Variants in PKN3 observed in about 807,000 individuals in gnomAD.
The protein encoded by PKN3 is serine/threonine-protein kinase N3.
In PKN3, 91 loss-of-function variants were observed where a neutral mutation model predicts 113.1. The ratio of observed to expected loss-of-function variants is 0.80; its 90% CI spans 0.68 to 0.96. The LOEUF (loss-of-function observed/expected upper bound fraction) is 0.96. PKN3 is among the 40% of genes least tolerant of loss of function. The pLI is 0.00. For missense variants in PKN3, 1,052 were observed against 1,202.2 expected (o/e 0.88, Z 1.85); for synonymous variants, 467 against 499.0 (o/e 0.94, Z 0.85).
At position 128,705,759 on chromosome 9, in the gene PKN3, G is replaced by A. The variant is rs368551708; in HGVS notation, c.291G>A (p.Pro97=). 3.2e-5 allele frequency: 52 copies of A among 1,607,760 alleles called. No homozygotes were observed. The highest frequency in any genetic ancestry group is 2.4e-4 in the Admixed American group (14 of 59,214). Residue 97 remains proline (P), a synonymous_variant, in exon 3 of 22, where the codon CCG becomes CCA. Coordinates refer to ENST00000291906, the MANE Select transcript of PKN3 (RefSeq NM_013355.5). The stretch of plus-strand genomic sequence containing the variant: ...AGCCTGTGGCCTCAGGACCCCGGCC[G>A]TGGGCAGAGCAGCTCAGGGCTCGGC... ...PAEPVASGPR[P]WAEQLRARHL...
At chr9:128,719,884 A>G in intron 19 of PKN3, 26 bp from the exon 20 acceptor site, 1 of 1,611,710 alleles carries the variant, frequency 6.2e-7, no homozygotes, top group Non-Finnish European at 8.5e-7. Context: ...TGGCCCGTGC[A>G]TCCTGCTGAG....
Position 128,705,508 on chromosome 9 carries a change from G to T in PKN3, c.230G>T (p.Arg77Leu). 6.4e-7 allele frequency: 1 copy of T among 1,558,052 alleles called. No individual in the cohort carries two copies. Among genetic ancestry groups the T allele is most frequent in the South Asian group, 1.2e-5 (1 of 84,726 alleles). ...GGCGAGCTGCGGGAGCTGCACGCCC[G>T]AATCCTGCTGCCCGGCCCTGGGCCT... ...LHGELRELHA[R>L]ILLPGPGPGP... Residue 77 changes from arginine (R) to leucine (L), a missense_variant, in exon 2 of 22, where the codon CGA becomes CTA. Arg to Leu is a moderately radical substitution (Grantham distance 102, BLOSUM62 -2). This residue lies in a region of PKN3 where 719 missense variants were observed against 759.4 expected (regional missense o/e 0.95). Coordinates refer to ENST00000291906, the MANE Select transcript of PKN3 (RefSeq NM_013355.5).
chr9:128,720,081 TG>T lies in PKN3; in HGVS notation c.2376+67del. ...CTCAAGGCCCATGTGCCCTCTGCCG[TG>T]GGACAGCAGACCCCCTGCCACCCAT... On this transcript the variant is annotated intron_variant, in intron 20 of 21. Coordinates refer to ENST00000291906, the MANE Select transcript of PKN3 (RefSeq NM_013355.5). This position sits in a 1 kb window ranked among gnomAD's most constrained non-coding sequence, Gnocchi z 5.5. 1 of 1,545,508 alleles carries T rather than the reference TG, an allele frequency of 6.5e-7. No homozygotes were observed. Among genetic ancestry groups the T allele is most frequent in the Non-Finnish European group, 8.9e-7 (1 of 1,118,850 alleles).
At chr9:128,718,885 T>TG (rs1862424718) in intron 18 of PKN3, among the ~76,000 whole-genome samples, 1 of 34,886 alleles carries the variant, frequency 2.9e-5, no homozygotes, top group Non-Finnish European at 1.6e-4. Flanking sequence ...TTCTGCCTTC[T>TG]GTTTTTTTTT....
intron 1 of PKN3, chr9:128,703,903 T>G (rs1589473435): frequency 1.0e-6 from 1 of 985,384 alleles, no homozygotes; most frequent in Non-Finnish European, 1.2e-6. Flanking sequence ...GGCAGCTGGG[T>G]GACTCAGGAC....
chr9:128,705,260 C>A (rs1278808450), intron 1 of PKN3, 43 bp from the exon 2 acceptor site: 11 of 1,547,544 alleles, frequency 7.1e-6, no homozygotes, highest in Non-Finnish European at 8.7e-6. Context: ...GCCGCTGCAC[C>A]CCATGGCTGT....
chr9:128,710,220 G>A (rs1862137678), intron 6 of PKN3, among the ~76,000 whole-genome samples: 1 of 151,564 alleles, frequency 6.6e-6, no homozygotes, highest in South Asian at 2.1e-4. Flanking sequence ...GAGCCACCGC[G>A]CCCGGCCAAA....
chr9:128,706,619 GT>G, intron 3 of PKN3, 93 bp from the exon 4 acceptor site: 1 of 959,764 alleles, frequency 1.0e-6, no homozygotes, highest in Non-Finnish European at 1.5e-6. Flanking sequence ...CTTTAACCCT[GT>G]TTTGATGGGG....
rs766780824 is a variant in PKN3 at position 128,706,984 on chromosome 9, T to C, written c.612T>C (p.Leu204=). 1.2e-6 allele frequency: 2 copies of C among 1,614,114 alleles called. No homozygotes were observed. Among genetic ancestry groups the C allele is most frequent in the Non-Finnish European group, 1.7e-6 (2 of 1,179,986 alleles). ...GCGCCAAGAACGTGGTGAAACTGCTTAGTAGCCGGAGAACACAGGACCGCA... is the reference window on the plus strand; with the variant it reads ...GCGCCAAGAACGTGGTGAAACTGCTCAGTAGCCGGAGAACACAGGACCGCA... ...AEGAKNVVKL[L]SSRRTQDRKA... The change falls in exon 5 of 22, where the codon CTT becomes CTC. Residue 204 remains leucine (L), a synonymous_variant. Coordinates refer to ENST00000291906, the MANE Select transcript of PKN3 (RefSeq NM_013355.5).
chr9:128,713,573 G>A lies in PKN3; in HGVS notation c.1167G>A (p.Glu389=), dbSNP rs1862246298. The change falls in exon 9 of 22, where the codon GAG becomes GAA. Residue 389 remains glutamate, a synonymous_variant. Coordinates refer to ENST00000291906, the MANE Select transcript of PKN3 (RefSeq NM_013355.5). Reference sequence around the variant, plus strand: ...GTGGCGTGGCCTTCCTGAGACTTGAGGACTTCCTGGACAATGCCTGTCACC... The same window carrying A: ...GTGGCGTGGCCTTCCTGAGACTTGAAGACTTCCTGGACAATGCCTGTCACC... ...QLCGVAFLRL[E]DFLDNACHQL... 3 of 1,613,754 alleles carry A rather than the reference G, an allele frequency of 1.9e-6. No individual in the cohort carries two copies. The African/African-American group carries it at 4.0e-5, about 22-fold the overall frequency.
chr9:128,712,933 G>A, intron 6 of PKN3, 119 bp from the exon 7 acceptor site: 8 of 1,075,372 alleles, frequency 7.4e-6, no homozygotes, highest in Non-Finnish European at 1.1e-5. Context: ...CCTCAGGTGG[G>A]TACGGTCTGG....
At chr9:128,708,898 T>C (rs566455727) in intron 6 of PKN3, among the ~76,000 whole-genome samples, 81 of 151,728 alleles carry the variant, frequency 5.3e-4, no homozygotes, top group Non-Finnish European at 1.0e-3. Flanking sequence ...ATGTTTATAA[T>C]CCTAGCAGTT....
rs765891441 is a variant in PKN3, at chr9:128,714,304, C to T, written c.1420C>T (p.Pro474Ser). 1.5e-5 allele frequency: 25 copies of T among 1,613,000 alleles called. No homozygotes were observed. The highest frequency in any genetic ancestry group is 4.5e-5 in the East Asian group (2 of 44,862). ...CAGCTCCCCGAGCACAATCAGCCCCCCTAAAGGATGCCCTCGGACCCCAAC... is the reference window on the plus strand; with the variant it reads ...CAGCTCCCCGAGCACAATCAGCCCCTCTAAAGGATGCCCTCGGACCCCAAC... ...PCSSPSTISP[P>S]KGCPRTPTTL... Residue 474 changes from proline to serine, a missense_variant, in exon 11 of 22, where the codon CCT (proline) becomes TCT (serine). Physicochemically the swap from Pro to Ser is moderately conservative, Grantham distance 74 (BLOSUM62 -1). Around this residue, in one of 2 missense-constraint regions of PKN3, gnomAD observed 719 missense variants for 759.4 expected, o/e 0.95. Transcript: ENST00000291906.
At chr9:128,705,674 C>A (rs1042936690) in intron 2 of PKN3, 60 bp from the exon 3 acceptor site, 11 of 1,543,310 alleles carry the variant, frequency 7.1e-6, no homozygotes, top group Non-Finnish European at 9.6e-6. Flanking sequence ...GGAGGAAAGG[C>A]CACAGTGGGG....
chr9:128,705,370 T>C lies in PKN3; in HGVS notation c.92T>C (p.Leu31Pro). Reference protein sequence around the residue: ...EVIRRAIQKELKIKEGVENLR... With the variant: ...EVIRRAIQKEPKIKEGVENLR... ...ATCCGCCGGGCCATCCAGAAAGAGC[T>C]GAAGATCAAGGAGGGGGTGGAGAAC... Residue 31 changes from leucine (L) to proline (P), a missense_variant, in exon 2 of 22, where the codon CTG (leucine) becomes CCG (proline). Leu to Pro is a moderately conservative substitution (Grantham distance 98). This residue lies in a region of PKN3 where 719 missense variants were observed against 759.4 expected (regional missense o/e 0.95). Coordinates refer to ENST00000291906, the MANE Select transcript of PKN3 (RefSeq NM_013355.5). 6.3e-7 allele frequency: 1 copy of C among 1,595,532 alleles called. No individual in the cohort carries two copies. Among genetic ancestry groups the C allele is most frequent in the South Asian group, 1.1e-5 (1 of 88,674 alleles).
chr9:128,712,584 C>A (rs536998903), intron 6 of PKN3, among the ~76,000 whole-genome samples: 1 of 152,142 alleles, frequency 6.6e-6, no homozygotes, highest in African/African-American at 2.4e-5. Context: ...CTCTCTAGGC[C>A]CCACTTCTAG....
intron 6 of PKN3, chr9:128,710,164 C>T (rs1411246071): frequency 6.6e-6 from 1 of 151,930 alleles, no homozygotes; most frequent in Non-Finnish European, 1.5e-5. Context: ...ATCGCCTGAC[C>T]TTGTGATCTG....
Position 128,720,504 on chromosome 9 carries a change from G to A in PKN3, c.2568G>A (p.Pro856=), listed in dbSNP as rs114614382. ...TTGAGGGCGAGTTCACAGGGCTGCC[G>A]CCTGCCCTGACCCCACCTGCACCCC... is the stretch of plus-strand genomic sequence containing the variant. ...RYFEGEFTGL[P]PALTPPAPHS... Residue 856 remains proline, a synonymous_variant, in exon 22 of 22, where the codon CCG becomes CCA. Coordinates refer to ENST00000291906, the MANE Select transcript of PKN3 (RefSeq NM_013355.5). This position sits in a 1 kb window ranked among gnomAD's most constrained non-coding sequence, Gnocchi z 5.5. The A allele has an allele frequency of 6.8e-6, 11 of 1,613,106 alleles. No individual in the cohort carries two copies. The highest frequency in any genetic ancestry group is 4.5e-5 in the East Asian group (2 of 44,886).
At chr9:128,706,000 C>A in intron 3 of PKN3, 121 bp downstream of exon 3, 2 of 1,022,736 alleles carry the variant, frequency 2.0e-6, no homozygotes, top group East Asian at 2.6e-5. Flanking sequence ...GGGGAAAATA[C>A]AGCCCCAAAC....
Sources: allele counts gnomAD v4.1 joint callset (sites outside exome capture counted in the v4.1 genomes callset), GRCh38; gene constraint gnomAD v4.1.1; regional missense constraint gnomAD v4.1.1; non-coding constraint Gnocchi (gnomAD v3.1); transcripts MANE v1.5; gene names NCBI Gene and HGNC (gene_info 2026-07-23, HGNC 2026-07-21).